The following SNX29 variants were observed in gnomAD, a reference collection of about 807,000 sequenced individuals.
The protein encoded by SNX29 is sorting nexin-29.
In SNX29, 78 loss-of-function variants were observed where a neutral mutation model predicts 102.1. The ratio of observed to expected loss-of-function variants is 0.76; its 90% CI spans 0.64 to 0.92. The LOEUF is 0.92. Ranked by LOEUF, SNX29 falls within the 40% of genes least tolerant of loss-of-function variation. The pLI is 0.00. For missense variants in SNX29, 1,280 were observed against 1,061.7 expected (o/e 1.21, Z -2.86); for synonymous variants, 580 against 414.5 (o/e 1.40, Z -4.85).
chr16:12,537,755 T>C (rs565760205), intron 20 of SNX29, among the ~76,000 whole-genome samples: 103 of 152,212 alleles, frequency 6.8e-4, no homozygotes, highest in African/African-American at 2.4e-3. Flanking sequence ...CTCTATCCTA[T>C]GTGGGGTTTG....
intron 3 of SNX29, among the ~76,000 whole-genome samples, chr16:12,018,900 TC>T (rs1310286325): frequency 6.6e-6 from 1 of 152,122 alleles, no homozygotes; most frequent in Non-Finnish European, 1.5e-5. Flanking sequence ...GGGTATATTA[TC>T]TTTTATTGCA....
chr16:12,568,002 A>C (rs17223249), intron 20 of SNX29, among the ~76,000 whole-genome samples: 16,321 of 152,228 alleles, frequency 0.11, 1,065 homozygotes, highest in Non-Finnish European at 0.14. Context: ...TCTTAAACAC[A>C]ATACCATGCC....
intron 20 of SNX29, among the ~76,000 whole-genome samples, chr16:12,565,645 G>T (rs973787120): frequency 6.6e-6 from 1 of 152,182 alleles, no homozygotes; most frequent in Non-Finnish European, 1.5e-5. Context: ...GACACATATA[G>T]CCTCGTGACA....
intron 20 of SNX29, among the ~76,000 whole-genome samples, chr16:12,556,832 A>G (rs1443311269): frequency 6.6e-6 from 1 of 152,128 alleles, no homozygotes; most frequent in Non-Finnish European, 1.5e-5. Context: ...GAGGAGGAAC[A>G]GAAGTTTGAT....
chr16:12,239,182 G>T (rs952233960), intron 14 of SNX29, among the ~76,000 whole-genome samples: 1 of 152,216 alleles, frequency 6.6e-6, no homozygotes, highest in Admixed American at 6.5e-5. Context: ...GGGGATGGAT[G>T]CCAGGCAATC....
In SNX29 at chr16:12,144,137, G is replaced by T. The variant is rs148477383; in HGVS notation, c.1595+14379G>T. Reference sequence around the variant, plus strand: ...CTGGTTCCTAGACCACACATTTTAAGTAGCAAGGACTTAAGAGAGGATGCC... The same window carrying T: ...CTGGTTCCTAGACCACACATTTTAATTAGCAAGGACTTAAGAGAGGATGCC... On this transcript the variant is annotated intron_variant, in intron 13 of 20. Transcript: ENST00000566228. Among the ~76,000 whole-genome samples, 863 of 152,256 alleles carry T rather than the reference G, an allele frequency of 5.7e-3. 8 individuals carry two copies. The highest frequency in any genetic ancestry group is 0.02 in the African/African-American group (822 of 41,538).
At chr16:12,560,188 T>G (rs1467330732) in intron 20 of SNX29, among the ~76,000 whole-genome samples, 1 of 149,452 alleles carries the variant, frequency 6.7e-6, no homozygotes, top group Non-Finnish European at 1.5e-5. Flanking sequence ...ATTCACCATT[T>G]AACTTGTGCT....
At position 11,976,791 on chromosome 16, in the gene SNX29, C is replaced by T. The variant is rs1192590165; in HGVS notation, c.-16C>T. ...GGCGGCGGCGCGGCGCAGGCACCGG[C>T]CCGGGGAGAGGCACCATGAGCGGTG... On this transcript the variant is annotated 5_prime_UTR_variant, in exon 1 of 21. Transcript: ENST00000566228. 1.5e-6 allele frequency: 2 copies of T among 1,374,072 alleles called. No individual in the cohort carries two copies. The highest frequency in any genetic ancestry group is 3.0e-5 in the African/African-American group (2 of 66,360). 85.1% of individuals were successfully genotyped at this position (1,374,072 alleles called of 1,614,324 possible). A position where few individuals can be genotyped will look rare whatever the true frequency, so the allele number is the denominator to read the frequency against.
chr16:12,497,181 C>A (rs993378551), intron 19 of SNX29, among the ~76,000 whole-genome samples: 1 of 152,222 alleles, frequency 6.6e-6, no homozygotes, highest in Non-Finnish European at 1.5e-5. Flanking sequence ...CAACCAAGAT[C>A]CTAAGGCATC....
At chr16:12,525,759 G>C (rs2076765757) in intron 20 of SNX29, among the ~76,000 whole-genome samples, 1 of 134,872 alleles carries the variant, frequency 7.4e-6, no homozygotes. Flanking sequence ...TAACCCAACG[G>C]ATGCTGCTGT....
At chr16:12,212,495 G>C (rs951831972) in intron 14 of SNX29, among the ~76,000 whole-genome samples, 5 of 115,584 alleles carry the variant, frequency 4.3e-5, no homozygotes, top group Non-Finnish European at 8.7e-5. Context: ...CTTCTGGTTG[G>C]AGGAACCTGT....
intron 20 of SNX29, among the ~76,000 whole-genome samples, chr16:12,566,927 T>G (rs1327474573): frequency 6.6e-6 from 1 of 152,236 alleles, no homozygotes; most frequent in African/African-American, 2.4e-5. Flanking sequence ...CTTCATTTTG[T>G]TAGCTTATCA....
chr16:12,046,288 G>A (rs2050086729), intron 5 of SNX29, 96 bp from the exon 6 acceptor site: 12 of 1,213,580 alleles, frequency 9.9e-6, no homozygotes, highest in South Asian at 1.3e-5. Flanking sequence ...GTGACCAGGT[G>A]CAGATCTTCC....
intron 20 of SNX29, among the ~76,000 whole-genome samples, chr16:12,537,984 CAAAAAAAAA>C (rs33931845): frequency 0.013 from 1,605 of 128,050 alleles, 46 homozygotes; most frequent in South Asian, 0.11. Context: ...AACTCCGTTT[CAAAAAAAAA>C]AAAAAAAAAA....
chr16:12,234,009 A>C (rs2142222876), intron 14 of SNX29, among the ~76,000 whole-genome samples: 1 of 152,314 alleles, frequency 6.6e-6, no homozygotes, highest in East Asian at 1.9e-4. Flanking sequence ...TCGTTAGTCG[A>C]TGGACATTTG....
In SNX29 at chr16:12,495,198, C is replaced by G. The variant is rs371620579; in HGVS notation, c.2178+17339C>G. On this transcript the variant is annotated intron_variant, in intron 19 of 20. Coordinates refer to ENST00000566228, the MANE Select transcript of SNX29 (RefSeq NM_032167.5). The stretch of plus-strand genomic sequence containing the variant: ...TTGAGTCTTGCTCTGTTGCTCAGGC[C>G]TGGAGCACAGTGGCATGGTCTCGGC... 1.9e-4 allele frequency among the ~76,000 whole-genome samples: 29 copies of G among 152,220 alleles called. 1 individual carries two copies. In the South Asian group the frequency reaches 6.0e-3, roughly 32 times the overall value.
At chr16:12,405,035 G>C (rs1291939350) in intron 18 of SNX29, among the ~76,000 whole-genome samples, 1 of 152,168 alleles carries the variant, frequency 6.6e-6, no homozygotes, top group Admixed American at 6.5e-5. Flanking sequence ...GGGAGAATTA[G>C]ATATTATGGA....
intron 14 of SNX29, among the ~76,000 whole-genome samples, chr16:12,275,619 G>A (rs1209630339): frequency 6.6e-6 from 1 of 151,054 alleles, no homozygotes; most frequent in African/African-American, 2.4e-5. Flanking sequence ...TCTCAGGTCT[G>A]TCAAGTTATT....
intron 15 of SNX29, among the ~76,000 whole-genome samples, chr16:12,311,605 C>T (rs1248922169): frequency 6.6e-6 from 1 of 152,262 alleles, no homozygotes; most frequent in African/African-American, 2.4e-5. Flanking sequence ...GCCCTCCCTT[C>T]CTTGAGATGG....
Sources: gnomAD v4.1 joint callset for allele counts (sites outside exome capture counted in the v4.1 genomes callset) on GRCh38, gnomAD v4.1.1 for gene constraint, MANE v1.5 for transcripts, NCBI Gene and HGNC (gene_info 2026-07-23, HGNC 2026-07-21) for gene names.